SGCZ: variants seen among roughly 807,000 people sequenced by gnomAD.
SGCZ encodes the protein sarcoglycan zeta.
In SGCZ, 40 loss-of-function variants were observed where a neutral mutation model predicts 41.3. That is an observed-to-expected ratio of 0.97 (90% CI 0.75 to 1.26). The LOEUF (loss-of-function observed/expected upper bound fraction) is 1.26, where lower values mean the gene tolerates loss of function less well. SGCZ is among the 50% of genes most tolerant of loss of function. SGCZ has a pLI of 0.00. For missense variants in SGCZ, 552 were observed against 369.8 expected (o/e 1.49, Z -4.04); for synonymous variants, 206 against 137.5 (o/e 1.50, Z -3.49).
At chr8:15,119,155 T>A (rs1807385422) in intron 1 of SGCZ, among the ~76,000 whole-genome samples, 1 of 152,166 alleles carries the variant, frequency 6.6e-6, no homozygotes. Flanking sequence ...AAAGAAAATA[T>A]AACACAATTG....
chr8:14,578,848 G>C (rs1804796740), intron 1 of SGCZ, among the ~76,000 whole-genome samples: 2 of 152,212 alleles, frequency 1.3e-5, no homozygotes, highest in Admixed American at 1.3e-4. Context: ...AAACTTAATA[G>C]CATCCAATTT....
chr8:14,802,549 G>C (rs935426191), intron 1 of SGCZ, among the ~76,000 whole-genome samples: 1 of 152,110 alleles, frequency 6.6e-6, no homozygotes, highest in Non-Finnish European at 1.5e-5. Context: ...ATGATCATTT[G>C]CTGCCGCCTT....
chr8:15,088,738 C>T (rs1453427674), intron 1 of SGCZ, among the ~76,000 whole-genome samples: 2 of 152,140 alleles, frequency 1.3e-5, no homozygotes, highest in Non-Finnish European at 2.9e-5. Context: ...GAGGCACAGA[C>T]ATCATTCTTA....
intron 1 of SGCZ, among the ~76,000 whole-genome samples, chr8:15,185,929 A>G (rs1800317329): frequency 6.6e-6 from 1 of 151,988 alleles, no homozygotes; most frequent in Non-Finnish European, 1.5e-5. Flanking sequence ...GCAGCATACA[A>G]GTTAATTTCT....
At chr8:15,032,513 C>G (rs1195210936) in intron 1 of SGCZ, among the ~76,000 whole-genome samples, 2 of 152,084 alleles carry the variant, frequency 1.3e-5, no homozygotes, top group Admixed American at 1.3e-4. Context: ...CAGGCTGGGA[C>G]TTATGGACTG....
chr8:14,743,190 T>C (rs1217830493), intron 1 of SGCZ, among the ~76,000 whole-genome samples: 2 of 152,086 alleles, frequency 1.3e-5, no homozygotes, highest in Non-Finnish European at 2.9e-5. Flanking sequence ...TTCTATGCTA[T>C]AGAATTCCTA....
intron 1 of SGCZ, among the ~76,000 whole-genome samples, chr8:14,950,913 C>A (rs1236342183): frequency 6.6e-6 from 1 of 151,712 alleles, no homozygotes; most frequent in Non-Finnish European, 1.5e-5. Context: ...TGGAAAGAGC[C>A]AAAATTAATG....
chr8:14,425,984 A>G (rs540242272), intron 2 of SGCZ, among the ~76,000 whole-genome samples: 1 of 152,078 alleles, frequency 6.6e-6, no homozygotes, highest in African/African-American at 2.4e-5. Flanking sequence ...GCACTTATGT[A>G]CCTAAATATT....
chr8:14,937,843 G>A (rs1308712491), intron 1 of SGCZ, among the ~76,000 whole-genome samples: 1 of 151,928 alleles, frequency 6.6e-6, no homozygotes, highest in African/African-American at 2.4e-5. Context: ...GAACAATCAG[G>A]AATGTTATAA....
At chr8:14,728,084 C>G (rs1810116927) in intron 1 of SGCZ, among the ~76,000 whole-genome samples, 1 of 152,080 alleles carries the variant, frequency 6.6e-6, no homozygotes, top group South Asian at 2.1e-4. Flanking sequence ...AAAGTTGTTA[C>G]TTCTGATTGG....
chr8:15,015,075 C>G (rs1277423520), intron 1 of SGCZ, among the ~76,000 whole-genome samples: 1 of 151,924 alleles, frequency 6.6e-6, no homozygotes, highest in East Asian at 2.0e-4. Flanking sequence ...AACTCCATCT[C>G]TACTAAAAAA....
intron 1 of SGCZ, among the ~76,000 whole-genome samples, chr8:14,784,382 A>G (rs1450161559): frequency 6.9e-6 from 1 of 144,406 alleles, no homozygotes; most frequent in Non-Finnish European, 1.5e-5. Context: ...TATGCATCTT[A>G]TACATTGATT....
At chr8:14,550,156 A>G (rs1196267288) in intron 2 of SGCZ, among the ~76,000 whole-genome samples, 1 of 152,030 alleles carries the variant, frequency 6.6e-6, no homozygotes. Context: ...TATTGGAAAC[A>G]ACTTAGGAGA....
At chr8:14,139,738 C>CCAAA (rs1476368780) in intron 5 of SGCZ, among the ~76,000 whole-genome samples, 1 of 152,082 alleles carries the variant, frequency 6.6e-6, no homozygotes, top group African/African-American at 2.4e-5. Flanking sequence ...GGATTCACAG[C>CCAAA]CAAACACTAC....
intron 2 of SGCZ, among the ~76,000 whole-genome samples, chr8:14,350,601 T>G (rs962726674): frequency 2.0e-5 from 3 of 152,158 alleles, no homozygotes; most frequent in African/African-American, 7.2e-5. Context: ...GTTCTGGCCC[T>G]GTCGCCTCTA....
intron 1 of SGCZ, among the ~76,000 whole-genome samples, chr8:14,859,536 C>T (rs965269890): frequency 6.6e-6 from 1 of 152,092 alleles, no homozygotes; most frequent in Non-Finnish European, 1.5e-5. Flanking sequence ...CTGATCCATA[C>T]AGTAAGATTC....
chr8:15,105,437 C>T (rs540667519), intron 1 of SGCZ, among the ~76,000 whole-genome samples: 18 of 152,136 alleles, frequency 1.2e-4, no homozygotes, highest in East Asian at 5.8e-4. Context: ...CCTCAGGAAA[C>T]GTACAATCAA....
At chr8:14,686,335 G>T (rs1477034523) in intron 1 of SGCZ, among the ~76,000 whole-genome samples, 4 of 151,918 alleles carry the variant, frequency 2.6e-5, no homozygotes, top group Non-Finnish European at 5.9e-5. Flanking sequence ...ACAAATAAAA[G>T]AAAAAAATCT....
At chr8:14,431,989 C>T (rs1799955026) in intron 2 of SGCZ, among the ~76,000 whole-genome samples, 1 of 151,758 alleles carries the variant, frequency 6.6e-6, no homozygotes, top group South Asian at 2.1e-4. Flanking sequence ...TATCACCTTA[C>T]TCTTGCAAGA....
Sources: allele counts gnomAD v4.1 joint callset (sites outside exome capture counted in the v4.1 genomes callset), GRCh38; gene constraint gnomAD v4.1.1; transcripts MANE v1.5; gene names NCBI Gene and HGNC (gene_info 2026-07-23, HGNC 2026-07-21).